Variants in RHOA observed in about 807,000 individuals in gnomAD.
The protein encoded by RHOA is transforming protein RhoA.
A neutral mutation model predicts 17.5 loss-of-function variants in RHOA; 3 were observed. The observed-to-expected ratio is 0.17, with a 90% CI of 0.08 to 0.44. The LOEUF (loss-of-function observed/expected upper bound fraction) is 0.44. Among genes scored for constraint, RHOA ranks in the 20% least tolerant of loss-of-function variants. The pLI, the probability that RHOA is intolerant of heterozygous loss-of-function variation, is 0.99. For synonymous variants in RHOA, 98 were observed against 88.4 expected (o/e 1.11, Z -0.61); for missense variants, 56 against 242.3 (o/e 0.23, Z 5.10).
At chr3:49,391,699 C>G (rs968955784) in intron 1 of RHOA, among the ~76,000 whole-genome samples, 1 of 151,858 alleles carries the variant, frequency 6.6e-6, no homozygotes, top group Non-Finnish European at 1.5e-5. Context: ...TTAGTAGAGA[C>G]GGGGTTTCTC....
Position 49,360,172 on chromosome 3 carries a change from A to G in RHOA, c.*37T>C, listed in dbSNP as rs2047938090. 1 of 1,581,982 alleles carries G rather than the reference A, an allele frequency of 6.3e-7. No individual in the cohort carries two copies. Among genetic ancestry groups the G allele is most frequent in the Non-Finnish European group, 8.6e-7 (1 of 1,167,050 alleles). On this transcript the variant is annotated 3_prime_UTR_variant, in exon 5 of 5. Transcript: ENST00000418115. ...ACTAAGATTAATAAACAGCACTTCA[A>G]AATTAACCGCATAAGGGCTGTGCTT... is the stretch of plus-strand genomic sequence containing the variant.
intron 1 of RHOA, among the ~76,000 whole-genome samples, chr3:49,379,837 T>C (rs1243419075): frequency 6.6e-6 from 1 of 152,172 alleles, no homozygotes; most frequent in Non-Finnish European, 1.5e-5. Flanking sequence ...TAATTCACAC[T>C]TTAAAAAGGT....
chr3:49,408,297 C>CAT (rs1271175874), intron 1 of RHOA, among the ~76,000 whole-genome samples: 3 of 150,726 alleles, frequency 2.0e-5, no homozygotes, highest in Non-Finnish European at 3.0e-5. Context: ...AGTATATATA[C>CAT]ATATACACAC....
intron 1 of RHOA, among the ~76,000 whole-genome samples, chr3:49,381,405 CAAA>C (rs34190698): frequency 7.5e-6 from 1 of 132,598 alleles, no homozygotes; most frequent in Non-Finnish European, 1.6e-5. Flanking sequence ...AACCCCGTCT[CAAA>C]AAAAAAAAAA....
chr3:49,392,086 G>A (rs2048521729), intron 1 of RHOA, among the ~76,000 whole-genome samples: 1 of 146,340 alleles, frequency 6.8e-6, no homozygotes, highest in South Asian at 2.2e-4. Flanking sequence ...CTCAGCCCCC[G>A]CAAAGTGCTG....
chr3:49,365,236 G>A (rs193100523), intron 3 of RHOA: 3,800 of 148,268 alleles, frequency 0.026, 65 homozygotes, highest in Non-Finnish European at 0.035. Context: ...TCTGCCTCCC[G>A]GGTTCAAGCA....
chr3:49,373,300 T>C lies in RHOA; in HGVS notation c.156+2134A>G, dbSNP rs1284007573. The C allele has an allele frequency of 2.1e-5, 5 of 235,824 alleles. No homozygotes were observed. The East Asian group carries it at 6.2e-4, about 29-fold the overall frequency. 14.6% of individuals were successfully genotyped at this position (235,824 alleles called of 1,614,324 possible). A position where few individuals can be genotyped will look rare whatever the true frequency, so the allele number is the denominator to read the frequency against. On this transcript the variant is annotated intron_variant, in intron 2 of 4. Coordinates refer to ENST00000418115, the MANE Select transcript of RHOA (RefSeq NM_001664.4). ...CGGAGGTTGTTGTAAACCAAGATCA[T>C]GCCATTGCACTCCAACCTGGGTGAT...
rs540832626 is a variant in RHOA at position 49,360,519 on chromosome 3, G to A, written c.409-137C>T. ...TTGCTCGTCGGTCGCCCAGGCTGGA[G>A]GGCAATGGCATGATCTCAGCTGACT... On this transcript the variant is annotated intron_variant, in intron 4 of 4. Coordinates refer to ENST00000418115, the MANE Select transcript of RHOA (RefSeq NM_001664.4). The A allele has an allele frequency of 3.0e-4, 257 of 851,068 alleles. 3 individuals are homozygous for A. In the East Asian group the frequency reaches 7.1e-3, roughly 24 times the overall value. 52.7% of individuals were successfully genotyped at this position (851,068 alleles called of 1,614,324 possible).
chr3:49,393,595 C>CTTT (rs34715210), intron 1 of RHOA, among the ~76,000 whole-genome samples: 1 of 97,960 alleles, frequency 1.0e-5, no homozygotes, highest in African/African-American at 3.9e-5. Flanking sequence ...ACTGCACTGG[C>CTTT]TTTTTTTTTT....
At chr3:49,374,806 G>A (rs961001282) in intron 2 of RHOA, among the ~76,000 whole-genome samples, 1 of 151,968 alleles carries the variant, frequency 6.6e-6, no homozygotes, top group Non-Finnish European at 1.5e-5. Context: ...GTCTGGATGA[G>A]TAGCAGTTAA....
chr3:49,378,900 T>C (rs2048274675), intron 1 of RHOA, among the ~76,000 whole-genome samples: 1 of 151,986 alleles, frequency 6.6e-6, no homozygotes, highest in African/African-American at 2.4e-5. Context: ...CAGGCCTAAA[T>C]ACAGTATATA....
At chr3:49,391,652 C>T (rs150239148) in intron 1 of RHOA, among the ~76,000 whole-genome samples, 3 of 151,798 alleles carry the variant, frequency 2.0e-5, no homozygotes, top group Non-Finnish European at 4.4e-5. Context: ...GCTGGGATTA[C>T]AGGCATGCAC....
chr3:49,387,764 A>C (rs1367658130), intron 1 of RHOA, among the ~76,000 whole-genome samples: 5 of 150,572 alleles, frequency 3.3e-5, no homozygotes, highest in African/African-American at 4.9e-5. Context: ...AAAAAAAAAA[A>C]CCCTATTATG....
chr3:49,362,706 G>C, intron 3 of RHOA, 80 bp from the exon 4 acceptor site: 1 of 1,211,336 alleles, frequency 8.3e-7, no homozygotes, highest in Non-Finnish European at 1.2e-6. Flanking sequence ...TGAAATTGCA[G>C]AGACACTTTC....
chr3:49,403,794 AAACCTCCATG>A (rs1192182736), intron 1 of RHOA, among the ~76,000 whole-genome samples: 1 of 152,142 alleles, frequency 6.6e-6, no homozygotes, highest in Non-Finnish European at 1.5e-5. Context: ...TATGCAAATT[AAACCTCCATG>A]AAGGTAATTA....
At chr3:49,379,033 A>G (rs571991791) in intron 1 of RHOA, among the ~76,000 whole-genome samples, 189 of 152,314 alleles carry the variant, frequency 1.2e-3, no homozygotes, top group Middle Eastern at 3.4e-3. Context: ...TCCTAGGTAT[A>G]TATCTAAGAG....
intron 1 of RHOA, among the ~76,000 whole-genome samples, chr3:49,385,837 G>A (rs1366726783): frequency 1.3e-5 from 2 of 152,078 alleles, no homozygotes; most frequent in Non-Finnish European, 2.9e-5. Flanking sequence ...TTACTGAAAA[G>A]ACTATTTTCC....
intron 1 of RHOA, among the ~76,000 whole-genome samples, chr3:49,404,458 A>ACAC (rs10527314): frequency 1.4e-5 from 2 of 146,784 alleles, no homozygotes; most frequent in East Asian, 2.1e-4. Context: ...ACACACACAC[A>ACAC]AAATTAGCCG....
intron 3 of RHOA, among the ~76,000 whole-genome samples, chr3:49,365,437 C>G (rs1359902763): frequency 6.6e-6 from 1 of 152,050 alleles, no homozygotes; most frequent in East Asian, 1.9e-4. Flanking sequence ...GCCACAGTGC[C>G]TGGCCTAGAA....
Sources: gnomAD v4.1 joint callset for allele counts (sites outside exome capture counted in the v4.1 genomes callset) on GRCh38, gnomAD v4.1.1 for gene constraint, MANE v1.5 for transcripts, NCBI Gene and HGNC (gene_info 2026-07-23, HGNC 2026-07-21) for gene names.